The following LIMK1 variants were observed in gnomAD, a reference collection of about 807,000 sequenced individuals.
LIMK1 encodes LIM domain kinase 1.
LIMK1 carries 21 observed loss-of-function variants against 77.6 expected under a neutral mutation model. The observed-to-expected ratio is 0.27, with a 90% CI of 0.19 to 0.39. LIMK1 has a LOEUF of 0.39. LIMK1 is among the 10% of genes least tolerant of loss of function. The pLI, the probability that LIMK1 is intolerant of heterozygous loss-of-function variation, is 1.00. For synonymous variants in LIMK1, 358 were observed against 370.0 expected, an observed-to-expected ratio of 0.97 and a Z score of 0.37; for missense variants, 696 against 901.6, an observed-to-expected ratio of 0.77 and a Z score of 2.92.
rs562994956 is a variant in LIMK1 at position 74,104,270 on chromosome 7, C to T, written c.609-1605C>T. ...AGTTCTCAGTCTCCTCTCTGCCTTA[C>T]CCCCATCCCCTTTTCCATCTCCAGG... On this transcript the variant is annotated intron_variant, in intron 5 of 15. Transcript: ENST00000336180. 5.3e-5 allele frequency among the ~76,000 whole-genome samples: 8 copies of T among 151,804 alleles called. No individual in the cohort carries two copies. In the South Asian group the frequency reaches 1.5e-3, roughly 28 times the overall value.
At chr7:74,113,258 A>G (rs1554698911) in intron 12 of LIMK1, among the ~76,000 whole-genome samples, 3 of 152,050 alleles carry the variant, frequency 2.0e-5, no homozygotes, top group Non-Finnish European at 2.9e-5. Flanking sequence ...TGGGAGGTAG[A>G]GGTTGCAGTG....
chr7:74,085,521 A>AAC (rs1252856208), intron 1 of LIMK1, among the ~76,000 whole-genome samples: 1 of 152,244 alleles, frequency 6.6e-6, no homozygotes, highest in African/African-American at 2.4e-5. Context: ...TACATAGGGA[A>AAC]ACAGGGCCAG....
chr7:74,084,863 C>A (rs1799103721), intron 1 of LIMK1, among the ~76,000 whole-genome samples: 3 of 152,132 alleles, frequency 2.0e-5, no homozygotes, highest in Admixed American at 2.0e-4. Flanking sequence ...GGCCTGACTC[C>A]ACACCTCCCC....
chr7:74,117,312 C>T (rs1268997378), intron 13 of LIMK1, among the ~76,000 whole-genome samples: 1 of 152,100 alleles, frequency 6.6e-6, no homozygotes, highest in Admixed American at 6.6e-5. Flanking sequence ...GCCACCATGG[C>T]CCTCCATCCT....
Position 74,115,813 on chromosome 7 carries a change from G to C in LIMK1, c.1422G>C (p.Val474=). 2 of 1,614,068 alleles carry C rather than the reference G, an allele frequency of 1.2e-6. No individual in the cohort carries two copies. The highest frequency in any genetic ancestry group is 8.5e-7 in the Non-Finnish European group (1 of 1,179,962). The change falls in exon 13 of 16, where the codon GTG becomes GTC. Residue 474 remains valine, a synonymous_variant. Coordinates refer to ENST00000336180, the MANE Select transcript of LIMK1 (RefSeq NM_002314.4). ...HNCLVRENKN[V]VVADFGLARL... is the part of the protein sequence containing the mutation. ...CTTCACCTTCCCAGAACAAGAATGT[G>C]GTGGTGGCTGACTTCGGGCTGGCGC...
chr7:74,096,899 C>CT (rs1563914892), intron 3 of LIMK1, 139 bp downstream of exon 3: 3 of 1,207,040 alleles, frequency 2.5e-6, no homozygotes. Context: ...GCCTGACTGT[C>CT]TGTCTGTATC....
rs1554700440 is a variant in LIMK1 at position 74,120,931 on chromosome 7, C to T, written c.1663C>T (p.Arg555Cys). The T allele has an allele frequency of 2.5e-6, 4 of 1,614,168 alleles. No individual in the cohort carries two copies. Among genetic ancestry groups the T allele is most frequent in the Non-Finnish European group, 3.4e-6 (4 of 1,180,012 alleles). The change falls in exon 15 of 16, where the codon CGC becomes TGC. Residue 555 changes from arginine to cysteine, a missense_variant. Arg to Cys is a radical substitution (Grantham distance 180). Coordinates refer to ENST00000336180, the MANE Select transcript of LIMK1 (RefSeq NM_002314.4). ...RVNADPDYLP[R>C]TMDFGLNVRG... The stretch of plus-strand genomic sequence containing the variant: ...GAACGCAGACCCTGACTACCTGCCC[C>T]GCACCATGGACTTTGGCCTCAACGT...
At chr7:74,093,070 G>A in intron 2 of LIMK1, 1 of 1,350,200 alleles carries the variant, frequency 7.4e-7, no homozygotes, top group Non-Finnish European at 9.7e-7. Context: ...CCTGTTGCAG[G>A]CTCAGACCAA....
chr7:74,104,245 A>C (rs1377340955), intron 5 of LIMK1, among the ~76,000 whole-genome samples: 2 of 151,944 alleles, frequency 1.3e-5, no homozygotes, highest in Non-Finnish European at 2.9e-5. Context: ...TTTTTCTTAA[A>C]GTTCTCAGTC....
At chr7:74,092,911 C>T (rs531527476) in intron 2 of LIMK1, among the ~76,000 whole-genome samples, 3 of 152,290 alleles carry the variant, frequency 2.0e-5, no homozygotes, top group Middle Eastern at 3.4e-3. Context: ...CCTTCAGTGC[C>T]GTTGCCAGGG....
chr7:74,100,030 G>T (rs1554696292), intron 5 of LIMK1, among the ~76,000 whole-genome samples: 1 of 152,034 alleles, frequency 6.6e-6, no homozygotes. Flanking sequence ...GGGCATGGTT[G>T]CTCACACTTA....
intron 9 of LIMK1, among the ~76,000 whole-genome samples, chr7:74,108,387 G>A (rs1181905690): frequency 6.6e-6 from 1 of 152,116 alleles, no homozygotes; most frequent in African/African-American, 2.4e-5. Context: ...GCTCACGCCT[G>A]TAATCCCAGC....
intron 2 of LIMK1, among the ~76,000 whole-genome samples, chr7:74,089,615 G>A (rs1438514036): frequency 6.6e-6 from 1 of 152,184 alleles, no homozygotes; most frequent in Non-Finnish European, 1.5e-5. Flanking sequence ...CTGGGCACTG[G>A]GGAGTTGGTG....
intron 2 of LIMK1, 94 bp downstream of exon 2, chr7:74,085,938 C>T: frequency 1.1e-6 from 1 of 874,430 alleles, no homozygotes; most frequent in South Asian, 1.5e-5. Flanking sequence ...GGATATGCCT[C>T]CTGGTGCCGT....
In LIMK1 at chr7:74,107,122, C is replaced by A; in HGVS notation, c.994C>A (p.Arg332Ser). The A allele has an allele frequency of 6.2e-7, 1 of 1,613,044 alleles. No homozygotes were observed. The highest frequency in any genetic ancestry group is 8.5e-7 in the Non-Finnish European group (1 of 1,179,908). Residue 332 changes from arginine (R) to serine (S), a missense_variant, in exon 8 of 16, where the codon CGC (arginine) becomes AGC (serine). Physicochemically the swap from Arg to Ser is moderately radical, Grantham distance 110. This residue lies in a region of LIMK1 where 438 missense variants were observed against 602.3 expected (regional missense o/e 0.73). Coordinates refer to ENST00000336180, the MANE Select transcript of LIMK1 (RefSeq NM_002314.4). ...CCTCCGCGTAGTCTGCCGGCCACAC[C>A]GCATCTTCCGGCCGTCGGACCTCAT... ...ESLRVVCRPHRIFRPSDLIHG... is the reference protein window; with the variant it reads ...ESLRVVCRPHSIFRPSDLIHG...
At chr7:74,090,382 A>AG (rs1472118666) in intron 2 of LIMK1, among the ~76,000 whole-genome samples, 1 of 150,990 alleles carries the variant, frequency 6.6e-6, no homozygotes, top group Non-Finnish European at 1.5e-5. Context: ...CTCGAAAAAA[A>AG]AAAGTCTCAA....
intron 14 of LIMK1, 85 bp from the exon 15 acceptor site, chr7:74,120,807 C>T (rs1584136495): frequency 6.3e-7 from 1 of 1,583,330 alleles, no homozygotes; most frequent in South Asian, 1.1e-5. Context: ...GGCCCAGTGC[C>T]ACCTGCCCTC....
chr7:74,101,268 C>T (rs1799454294), intron 5 of LIMK1, among the ~76,000 whole-genome samples: 2 of 152,234 alleles, frequency 1.3e-5, no homozygotes, highest in African/African-American at 4.8e-5. Flanking sequence ...AGACCAACGG[C>T]TCTTACCAGA....
At chr7:74,104,487 T>G (rs912676049) in intron 5 of LIMK1, among the ~76,000 whole-genome samples, 1 of 151,772 alleles carries the variant, frequency 6.6e-6, no homozygotes, top group African/African-American at 2.4e-5. Flanking sequence ...TAGCCAGGCA[T>G]GGTGGCACAT....
Sources: gnomAD v4.1 joint callset for allele counts (sites outside exome capture counted in the v4.1 genomes callset) on GRCh38, gnomAD v4.1.1 for gene constraint, gnomAD v4.1.1 regional missense constraint, MANE v1.5 for transcripts, NCBI Gene and HGNC (gene_info 2026-07-23, HGNC 2026-07-21) for gene names.